The following CSMD1 variants were observed in gnomAD, a reference collection of about 807,000 sequenced individuals.
CSMD1 encodes the protein CUB and Sushi multiple domains 1.
CSMD1 carries 213 observed loss-of-function variants against 417.5 expected under a neutral mutation model. The observed-to-expected ratio is 0.51, with a 90% CI of 0.46 to 0.57. CSMD1 has a LOEUF of 0.57. Among genes scored for constraint, CSMD1 ranks in the 20% least tolerant of loss-of-function variants. The probability of loss-of-function intolerance (pLI) is 0.00; values close to 1 mark genes in which losing one functional copy is unlikely to be tolerated. For missense variants in CSMD1, 6,923 were observed against 4,529.7 expected, an observed-to-expected ratio of 1.53 and a Z score of -15.17; for synonymous variants, 2,862 against 1,736.8, an observed-to-expected ratio of 1.65 and a Z score of -16.11.
At position 3,145,101 on chromosome 8, in the gene CSMD1, G is replaced by A. The variant is rs6558724; in HGVS notation, c.6032-2427C>T. ...TGTCTGTGTGCACGTGTGTTTGTGT[G>A]ACTGCCTTATGAACATTGAATCCAT... On this transcript the variant is annotated intron_variant, in intron 40 of 69. Coordinates refer to ENST00000635120, the MANE Select transcript of CSMD1 (RefSeq NM_033225.6). Among the ~76,000 whole-genome samples, 3 of 151,962 alleles carry A rather than the reference G, an allele frequency of 2.0e-5. No individual in the cohort carries two copies. The East Asian group carries it at 5.8e-4, about 29-fold the overall frequency.
intron 7 of CSMD1, among the ~76,000 whole-genome samples, chr8:3,662,414 C>G (rs1425460629): frequency 6.6e-6 from 1 of 152,160 alleles, no homozygotes; most frequent in Non-Finnish European, 1.5e-5. Flanking sequence ...GACTCCATGC[C>G]ACATTTTCTT....
intron 1 of CSMD1, among the ~76,000 whole-genome samples, chr8:4,898,453 A>G (rs1476893029): frequency 6.6e-6 from 1 of 152,172 alleles, no homozygotes. Context: ...ATGGGTGTAG[A>G]AAGTGTAAGT....
At chr8:3,343,215 T>G (rs1807775702) in intron 23 of CSMD1, 79 bp downstream of exon 23, 2 of 1,286,986 alleles carry the variant, frequency 1.6e-6, no homozygotes, top group Non-Finnish European at 2.2e-6. Context: ...AATCAATATT[T>G]AAAACTTAAT....
At chr8:4,907,057 G>A (rs370774072) in intron 1 of CSMD1, among the ~76,000 whole-genome samples, 106 of 152,292 alleles carry the variant, frequency 7.0e-4, no homozygotes, top group African/African-American at 2.2e-3. Flanking sequence ...ATAACAGTGA[G>A]AGAATGTTCT....
intron 1 of CSMD1, among the ~76,000 whole-genome samples, chr8:4,708,739 T>C (rs906915058): frequency 1.3e-5 from 2 of 152,148 alleles, no homozygotes; most frequent in African/African-American, 4.8e-5. Context: ...TAAAGATTCA[T>C]ATATAAAGTC....
chr8:4,223,978 C>G (rs1026720154), intron 3 of CSMD1, among the ~76,000 whole-genome samples: 1 of 152,100 alleles, frequency 6.6e-6, no homozygotes, highest in Non-Finnish European at 1.5e-5. Flanking sequence ...CTTTTGAGAG[C>G]CTTTCTAGTA....
At chr8:4,886,398 T>C (rs1026007325) in intron 1 of CSMD1, among the ~76,000 whole-genome samples, 3 of 152,050 alleles carry the variant, frequency 2.0e-5, no homozygotes, top group Non-Finnish European at 4.4e-5. Flanking sequence ...GCTGGATTTT[T>C]CTTGATAATG....
intron 2 of CSMD1, among the ~76,000 whole-genome samples, chr8:4,558,027 A>G (rs1213505637): frequency 6.6e-6 from 1 of 152,200 alleles, no homozygotes. Context: ...CAGACCACTG[A>G]GCTATGGCTA....
chr8:3,123,368 G>C (rs1817317237), intron 41 of CSMD1, among the ~76,000 whole-genome samples: 2 of 152,146 alleles, frequency 1.3e-5, no homozygotes, highest in Admixed American at 1.3e-4. Context: ...ACAGTGCCTG[G>C]AATGCCTCCT....
chr8:4,663,701 G>A (rs1488365502), intron 1 of CSMD1, among the ~76,000 whole-genome samples: 2 of 152,130 alleles, frequency 1.3e-5, no homozygotes, highest in African/African-American at 4.8e-5. Context: ...CTACAGAACC[G>A]CAGGTCAACT....
intron 1 of CSMD1, among the ~76,000 whole-genome samples, chr8:4,924,320 G>A (rs1272062762): frequency 6.6e-6 from 1 of 152,128 alleles, no homozygotes; most frequent in Non-Finnish European, 1.5e-5. Context: ...TTATGTTCAT[G>A]TAAAATGAAT....
At chr8:4,836,037 C>G (rs1047883434) in intron 1 of CSMD1, among the ~76,000 whole-genome samples, 3 of 152,120 alleles carry the variant, frequency 2.0e-5, no homozygotes, top group Admixed American at 2.0e-4. Flanking sequence ...GAGATGGTTT[C>G]TGCCTTCAAA....
chr8:3,009,068 G>A (rs537087295), intron 52 of CSMD1, among the ~76,000 whole-genome samples: 9 of 152,314 alleles, frequency 5.9e-5, no homozygotes, highest in African/African-American at 2.2e-4. Context: ...TTGCCACAAT[G>A]TCTCCCATGA....
chr8:3,150,356 G>C (rs183829800), intron 40 of CSMD1, among the ~76,000 whole-genome samples: 1 of 152,214 alleles, frequency 6.6e-6, no homozygotes, highest in East Asian at 1.9e-4. Flanking sequence ...TTTTCTTGTG[G>C]AACAGTCATG....
chr8:4,128,969 G>C (rs1427024180), intron 3 of CSMD1, among the ~76,000 whole-genome samples: 3 of 150,764 alleles, frequency 2.0e-5, no homozygotes, highest in Non-Finnish European at 4.4e-5. Context: ...CCAGCTACTT[G>C]GGAAGCTGAG....
At chr8:3,844,390 A>G (rs1359166285) in intron 5 of CSMD1, among the ~76,000 whole-genome samples, 1 of 152,174 alleles carries the variant, frequency 6.6e-6, no homozygotes, top group Non-Finnish European at 1.5e-5. Context: ...CACCTCACTC[A>G]CCAACAAATT....
At chr8:4,046,767 T>C (rs368643406) in intron 3 of CSMD1, among the ~76,000 whole-genome samples, 42 of 152,294 alleles carry the variant, frequency 2.8e-4, no homozygotes, top group African/African-American at 9.1e-4. Flanking sequence ...CACACACATA[T>C]TGTAATTAAT....
chr8:3,814,510 G>A (rs1051618484), intron 5 of CSMD1, among the ~76,000 whole-genome samples: 9 of 152,086 alleles, frequency 5.9e-5, no homozygotes, highest in East Asian at 3.9e-4. Context: ...CCTCCCTTCC[G>A]TGACGCCATT....
At chr8:4,044,234 A>AT (rs1371657580) in intron 3 of CSMD1, among the ~76,000 whole-genome samples, 1 of 152,186 alleles carries the variant, frequency 6.6e-6, no homozygotes, top group East Asian at 1.9e-4. Flanking sequence ...CAAATAACTT[A>AT]TTTTCTCATA....
Sources: gnomAD v4.1 joint callset for allele counts (sites outside exome capture counted in the v4.1 genomes callset) on GRCh38, gnomAD v4.1.1 for gene constraint, MANE v1.5 for transcripts, NCBI Gene and HGNC (gene_info 2026-07-23, HGNC 2026-07-21) for gene names.